The following CHL1 variants were observed in gnomAD, a reference collection of about 807,000 sequenced individuals.
CHL1 encodes neural cell adhesion molecule L1-like protein.
CHL1 carries 96 observed loss-of-function variants against 141.9 expected under a neutral mutation model. That is an observed-to-expected ratio of 0.68 (90% CI 0.57 to 0.80). The LOEUF (loss-of-function observed/expected upper bound fraction) is 0.80. Among genes scored for constraint, CHL1 ranks in the 30% least tolerant of loss-of-function variants. The probability of loss-of-function intolerance (pLI) is 0.00; values close to 1 mark genes in which losing one functional copy is unlikely to be tolerated. For missense variants in CHL1, 1,820 were observed against 1,457.2 expected (o/e 1.25, Z -4.05); for synonymous variants, 613 against 502.2 (o/e 1.22, Z -2.95).
At chr3:307,725 C>G (rs1699370713) in intron 2 of CHL1, among the ~76,000 whole-genome samples, 1 of 151,984 alleles carries the variant, frequency 6.6e-6, no homozygotes, top group Non-Finnish European at 1.5e-5. Flanking sequence ...TACTTACACA[C>G]TTAACATACT....
At chr3:403,588 A>T (rs1559366198) in intron 27 of CHL1, among the ~76,000 whole-genome samples, 1 of 152,136 alleles carries the variant, frequency 6.6e-6, no homozygotes, top group African/African-American at 2.4e-5. Flanking sequence ...AAGCAAAAAA[A>T]AATTTTGAAA....
chr3:405,791 T>A lies in CHL1; in HGVS notation c.*80T>A. The A allele has an allele frequency of 9.8e-7, 1 of 1,016,450 alleles. No homozygotes were observed. Among genetic ancestry groups the A allele is most frequent in the African/African-American group, 1.6e-5 (1 of 62,324 alleles). 63.0% of individuals were successfully genotyped at this position (1,016,450 alleles called of 1,614,324 possible). A position where few individuals can be genotyped will look rare whatever the true frequency, so the allele number is the denominator to read the frequency against. ...GTTCAAAGGAGCAAGAACTTTCATA[T>A]AGGAATAGAAACATGCTGGCCGAAG... On this transcript the variant is annotated 3_prime_UTR_variant, in exon 28 of 28. Coordinates refer to ENST00000256509, the MANE Select transcript of CHL1 (RefSeq NM_006614.4).
At position 360,343 on chromosome 3, in the gene CHL1, C is replaced by A. The variant is rs1425524319; in HGVS notation, c.1225C>A (p.Pro409Thr). 6.2e-7 allele frequency: 1 copy of A among 1,613,658 alleles called. No individual in the cohort carries two copies. The highest frequency in any genetic ancestry group is 1.7e-5 in the Admixed American group (1 of 59,974). ...GGAAATCAGTTTTACCAACCTTCAACCAAATCATACTGCTGTGTACCAGTG... is the reference window on the plus strand; with the variant it reads ...GGAAATCAGTTTTACCAACCTTCAAACAAATCATACTGCTGTGTACCAGTG... ...PREISFTNLQPNHTAVYQCEA... is the reference protein window; with the variant it reads ...PREISFTNLQTNHTAVYQCEA... The change falls in exon 12 of 28, where the codon CCA becomes ACA. Residue 409 changes from proline (P) to threonine (T), a missense_variant. Transcript: ENST00000256509.
At chr3:334,569 A>T (rs183417776) in intron 5 of CHL1, among the ~76,000 whole-genome samples, 3 of 152,130 alleles carry the variant, frequency 2.0e-5, no homozygotes, top group Non-Finnish European at 4.4e-5. Context: ...TTCACTTAGC[A>T]TGTTTTGGAG....
At chr3:202,318 G>C (rs1026522352) in intron 1 of CHL1, among the ~76,000 whole-genome samples, 1 of 152,194 alleles carries the variant, frequency 6.6e-6, no homozygotes, top group East Asian at 1.9e-4. Flanking sequence ...CAGAGCGTAT[G>C]TGTGTGTGTA....
chr3:304,200 TG>T (rs1699018799), intron 2 of CHL1, among the ~76,000 whole-genome samples: 1 of 152,152 alleles, frequency 6.6e-6, no homozygotes, highest in Admixed American at 6.5e-5. Flanking sequence ...CCTGAATTTT[TG>T]TTGTTGTTGT....
rs1399977593 is a variant in CHL1 at position 403,189 on chromosome 3, A to T, written c.3458+1491A>T. Among the ~76,000 whole-genome samples the T allele has an allele frequency of 2.6e-5, 4 of 152,290 alleles. No homozygotes were observed. In the East Asian group the frequency reaches 7.7e-4, roughly 29 times the overall value. On this transcript the variant is annotated intron_variant, in intron 27 of 27. Transcript: ENST00000256509. ...TCATTCCTAACTCCATACCACGTAG[A>T]TATCTCCATGGGGCCATTCACAACA... is the stretch of plus-strand genomic sequence containing the variant.
intron 1 of CHL1, among the ~76,000 whole-genome samples, chr3:242,410 C>T (rs185960893): frequency 3.7e-4 from 51 of 139,668 alleles, no homozygotes; most frequent in African/African-American, 1.1e-3. Context: ...TCCTGGCTAA[C>T]ACGGTGAAAC....
chr3:217,469 A>G (rs1052101184), intron 1 of CHL1: 3 of 152,168 alleles, frequency 2.0e-5, no homozygotes, highest in Non-Finnish European at 4.4e-5. Flanking sequence ...ACTGTGATAG[A>G]AAAAAATGGG....
intron 2 of CHL1, among the ~76,000 whole-genome samples, chr3:280,201 A>G (rs2125290105): frequency 6.6e-6 from 1 of 151,548 alleles, no homozygotes; most frequent in South Asian, 2.1e-4. Flanking sequence ...AGTTCTTAGT[A>G]GAGTCTAGGC....
chr3:258,436 T>G (rs1694384225), intron 2 of CHL1, among the ~76,000 whole-genome samples: 1 of 152,230 alleles, frequency 6.6e-6, no homozygotes, highest in South Asian at 2.1e-4. Flanking sequence ...TGGAGTCATG[T>G]TTGTAGGAGC....
At chr3:300,151 C>T (rs190577025) in intron 2 of CHL1, among the ~76,000 whole-genome samples, 14 of 152,228 alleles carry the variant, frequency 9.2e-5, no homozygotes, top group African/African-American at 3.1e-4. Flanking sequence ...AAACATAGAT[C>T]AATTGATTGA....
rs778394932 is a variant in CHL1 at position 405,708 on chromosome 3, A to T, written c.3672A>T (p.Ala1224=). The change falls in exon 28 of 28, where the codon GCA becomes GCT. Residue 1224 remains alanine (A), a synonymous_variant. Transcript: ENST00000256509. ...GSSTATFPLR[A] is the part of the protein sequence containing the mutation. ...CTACAGCAACTTTTCCCCTTCGGGC[A>T]TAAACACAACATATGTAAGCAACGC... 6.2e-7 allele frequency: 1 copy of T among 1,611,578 alleles called. No homozygotes were observed. The highest frequency in any genetic ancestry group is 1.3e-5 in the African/African-American group (1 of 74,832).
chr3:214,982 AC>A (rs1700194683), intron 1 of CHL1, among the ~76,000 whole-genome samples: 1 of 149,708 alleles, frequency 6.7e-6, no homozygotes, highest in South Asian at 2.1e-4. Flanking sequence ...ACACACACAC[AC>A]GTAACTGCTC....
intron 5 of CHL1, 140 bp from the exon 6 acceptor site, chr3:340,654 G>T: frequency 1.5e-6 from 1 of 661,998 alleles, no homozygotes; most frequent in East Asian, 2.8e-5. Context: ...AACTCTGAAG[G>T]GGAGATGTAA....
intron 2 of CHL1, among the ~76,000 whole-genome samples, chr3:293,427 G>T (rs73100376): frequency 0.049 from 7,507 of 152,060 alleles, 635 homozygotes; most frequent in African/African-American, 0.17. Context: ...CGCTTCAACC[G>T]GGGAGGTGAA....
At chr3:268,021 T>C (rs988639384) in intron 2 of CHL1, among the ~76,000 whole-genome samples, 1 of 152,228 alleles carries the variant, frequency 6.6e-6, no homozygotes, top group African/African-American at 2.4e-5. Context: ...CAGCTGCTAA[T>C]TTATTTACTT....
At chr3:230,038 GT>G in intron 1 of CHL1, among the ~76,000 whole-genome samples, 2 of 152,224 alleles carry the variant, frequency 1.3e-5, no homozygotes, top group East Asian at 3.9e-4. Context: ...GCCCAATAAG[GT>G]TCTGTACAAA....
intron 1 of CHL1, among the ~76,000 whole-genome samples, chr3:229,519 G>A (rs925212605): frequency 2.2e-4 from 33 of 152,320 alleles, no homozygotes; most frequent in East Asian, 1.2e-3. Flanking sequence ...TCAAAGAAGT[G>A]TTGGCTAAGC....
Sources: allele counts gnomAD v4.1 joint callset (sites outside exome capture counted in the v4.1 genomes callset), GRCh38; gene constraint gnomAD v4.1.1; transcripts MANE v1.5; gene names NCBI Gene and HGNC (gene_info 2026-07-23, HGNC 2026-07-21).